COG6: variants seen among roughly 807,000 people sequenced by gnomAD.
COG6 encodes conserved oligomeric Golgi complex subunit 6.
COG6 carries 74 observed loss-of-function variants against 88.8 expected under a neutral mutation model. The ratio of observed to expected loss-of-function variants is 0.83; its 90% confidence interval spans 0.69 to 1.01. The LOEUF (loss-of-function observed/expected upper bound fraction) is 1.01, where lower values mean the gene tolerates loss of function less well. Among genes scored for constraint, COG6 ranks in the 50% least tolerant of loss-of-function variants. COG6 has a pLI of 0.00. For synonymous variants in COG6, 286 were observed against 278.7 expected (o/e 1.03, Z -0.26); for missense variants, 800 against 797.9 (o/e 1.00, Z -0.03).
intron 18 of COG6, among the ~76,000 whole-genome samples, chr13:39,729,386 CAG>C (rs1245976027): frequency 1.3e-5 from 2 of 152,160 alleles, no homozygotes; most frequent in African/African-American, 4.8e-5. Context: ...GTAAAGGAAA[CAG>C]ATGGACAGAT....
At chr13:39,724,786 A>G (rs185037214) in intron 17 of COG6, among the ~76,000 whole-genome samples, 69 of 151,998 alleles carry the variant, frequency 4.5e-4, no homozygotes, top group Non-Finnish European at 7.4e-5. Flanking sequence ...TAGTCTCATC[A>G]TTACTGTTTA....
At chr13:39,659,832 C>G (rs1309955623) in intron 2 of COG6, among the ~76,000 whole-genome samples, 1 of 152,124 alleles carries the variant, frequency 6.6e-6, no homozygotes, top group Non-Finnish European at 1.5e-5. Flanking sequence ...GCATAAACCT[C>G]TCTTGGATAA....
At chr13:39,724,460 T>A in intron 16 of COG6, 48 bp from the exon 17 acceptor site, 1 of 1,389,710 alleles carries the variant, frequency 7.2e-7, no homozygotes, top group Non-Finnish European at 1.0e-6. Context: ...AATGTATATC[T>A]CCTTTTTTAC....
chr13:39,690,959 T>C (rs550112403), intron 11 of COG6, among the ~76,000 whole-genome samples: 30 of 151,962 alleles, frequency 2.0e-4, no homozygotes, highest in African/African-American at 7.2e-4. Flanking sequence ...TAAAATGAAA[T>C]TTATTTTGCT....
chr13:39,696,954 GTATACATAC>G lies in COG6; in HGVS notation c.1166+2232_1166+2240del, dbSNP rs1220415887. On this transcript the variant is annotated intron_variant, in intron 12 of 18. Coordinates refer to ENST00000455146, the MANE Select transcript of COG6 (RefSeq NM_020751.3). The stretch of plus-strand genomic sequence containing the variant: ...ATTTATGTCACAGCCAATAGGACAT[GTATACATAC>G]TAGATAGAGTGAGGTATGAGGAGTC... 2.0e-5 allele frequency among the ~76,000 whole-genome samples: 3 copies of G among 147,312 alleles called. No homozygotes were observed. In the East Asian group the frequency reaches 6.0e-4, roughly 29 times the overall value.
intron 18 of COG6, among the ~76,000 whole-genome samples, chr13:39,741,496 G>A (rs1880040509): frequency 6.6e-6 from 1 of 152,166 alleles, no homozygotes; most frequent in African/African-American, 2.4e-5. Flanking sequence ...TCAAGTGGAA[G>A]AAAGGGTATC....
intron 18 of COG6, among the ~76,000 whole-genome samples, chr13:39,769,611 T>C (rs1881262550): frequency 6.6e-6 from 1 of 152,236 alleles, no homozygotes. Flanking sequence ...TATTATTTTA[T>C]GTTAAAACTG....
intron 18 of COG6, among the ~76,000 whole-genome samples, chr13:39,732,791 G>A (rs547743644): frequency 7.9e-5 from 12 of 152,178 alleles, no homozygotes; most frequent in Admixed American, 2.6e-4. Context: ...TGTATAATTA[G>A]ATATCATAGT....
chr13:39,723,656 T>G (rs1255318584), intron 16 of COG6, among the ~76,000 whole-genome samples: 1 of 152,072 alleles, frequency 6.6e-6, no homozygotes, highest in African/African-American at 2.4e-5. Context: ...ACATGCATAG[T>G]TCTTAGATGA....
At chr13:39,718,625 A>T (rs1878667238) in intron 13 of COG6, among the ~76,000 whole-genome samples, 1 of 152,108 alleles carries the variant, frequency 6.6e-6, no homozygotes, top group Non-Finnish European at 1.5e-5. Flanking sequence ...TTACACAACT[A>T]GTAAGTGATA....
chr13:39,722,910 T>A (rs1878925768), intron 15 of COG6, among the ~76,000 whole-genome samples: 1 of 152,100 alleles, frequency 6.6e-6, no homozygotes. Flanking sequence ...GGATTTCCTC[T>A]AGGCTTCTCC....
At chr13:39,736,932 A>C (rs1879779119) in intron 18 of COG6, among the ~76,000 whole-genome samples, 2 of 152,138 alleles carry the variant, frequency 1.3e-5, no homozygotes, top group African/African-American at 2.4e-5. Flanking sequence ...TATAGTCTTC[A>C]TAGTCTGGGC....
chr13:39,703,039 A>G (rs904655700), intron 13 of COG6, among the ~76,000 whole-genome samples: 15 of 152,088 alleles, frequency 9.9e-5, no homozygotes, highest in African/African-American at 3.1e-4. Context: ...AGTTAATTCA[A>G]TTTTTCAATT....
intron 13 of COG6, among the ~76,000 whole-genome samples, chr13:39,700,361 A>G (rs188133831): frequency 2.6e-5 from 4 of 151,984 alleles, no homozygotes; most frequent in East Asian, 1.9e-4. Flanking sequence ...TACGTGGTCA[A>G]TCTTCACTTT....
At chr13:39,745,259 A>C (rs1880279404) in intron 18 of COG6, among the ~76,000 whole-genome samples, 1 of 152,236 alleles carries the variant, frequency 6.6e-6, no homozygotes, top group Non-Finnish European at 1.5e-5. Flanking sequence ...ATTAAACTAA[A>C]GAGCTTCTGC....
At position 39,752,556 on chromosome 13, in the gene COG6, G is replaced by A; in HGVS notation, c.*1463G>A. The A allele has an allele frequency of 5.6e-6, 7 of 1,246,588 alleles. No individual in the cohort carries two copies. Among genetic ancestry groups the A allele is most frequent in the South Asian group, 1.3e-5 (1 of 77,038 alleles). The allele number at this position is 1,246,588 out of a possible 1,614,324, so 77.2% of individuals were successfully genotyped here. A position where few individuals can be genotyped will look rare whatever the true frequency, so the allele number is the denominator to read the frequency against. On this transcript the variant is annotated 3_prime_UTR_variant, in exon 19 of 19. Coordinates refer to ENST00000455146, the MANE Select transcript of COG6 (RefSeq NM_020751.3). Reference sequence around the variant, plus strand: ...AGAAGATTGATACCTTGCTATGAGTGAATTCCTTTGTTTTATAGGGAAAAT... The same window carrying A: ...AGAAGATTGATACCTTGCTATGAGTAAATTCCTTTGTTTTATAGGGAAAAT...
intron 13 of COG6, among the ~76,000 whole-genome samples, chr13:39,700,445 A>C (rs1158545511): frequency 6.6e-6 from 1 of 151,890 alleles, no homozygotes; most frequent in Non-Finnish European, 1.5e-5. Context: ...ACTCAGATTC[A>C]TTTGGAAAAG....
At chr13:39,753,936 C>T (rs535180161), downstream of COG6, among the ~76,000 whole-genome samples, 1 of 152,274 alleles carries the variant, frequency 6.6e-6, no homozygotes, top group African/African-American at 2.4e-5. Context: ...TAGTTTCAGT[C>T]TCTCACTACT....
intron 5 of COG6, chr13:39,679,336 A>T (rs986688909): frequency 3.5e-6 from 2 of 566,842 alleles, no homozygotes; most frequent in Non-Finnish European, 6.4e-6. Flanking sequence ...TAGAAACTGA[A>T]TTAATATATT....
Sources: allele counts gnomAD v4.1 joint callset (sites outside exome capture counted in the v4.1 genomes callset), GRCh38; gene constraint gnomAD v4.1.1; transcripts MANE v1.5; gene names NCBI Gene and HGNC (gene_info 2026-07-23, HGNC 2026-07-21).